The following ALK variants were observed in gnomAD, a reference collection of about 807,000 sequenced individuals.
The protein encoded by ALK is ALK tyrosine kinase receptor.
In ALK, 74 loss-of-function variants were observed where a neutral mutation model predicts 163.1. The observed-to-expected ratio is 0.45, with a 90% CI of 0.38 to 0.55. ALK has a LOEUF of 0.55. ALK is among the 20% of genes least tolerant of loss of function. The probability of loss-of-function intolerance (pLI) is 0.00; values close to 1 mark genes in which losing one functional copy is unlikely to be tolerated. For synonymous variants in ALK, 960 were observed against 843.2 expected, an observed-to-expected ratio of 1.14 and a Z score of -2.40; for missense variants, 2,063 against 2,105.3, an observed-to-expected ratio of 0.98 and a Z score of 0.39.
intron 11 of ALK, among the ~76,000 whole-genome samples, chr2:29,263,392 G>A (rs1053728934): frequency 1.3e-5 from 2 of 152,174 alleles, no homozygotes; most frequent in Non-Finnish European, 2.9e-5. Context: ...TCTCTACAAG[G>A]CCCTTGGAAT....
At chr2:29,222,030 A>G (rs1169149336) in intron 22 of ALK, among the ~76,000 whole-genome samples, 2 of 152,220 alleles carry the variant, frequency 1.3e-5, no homozygotes, top group East Asian at 1.9e-4. Flanking sequence ...TTGTACTGTC[A>G]AAGTCTAGCA....
At chr2:29,598,818 A>T (rs1675292375) in intron 3 of ALK, among the ~76,000 whole-genome samples, 1 of 152,196 alleles carries the variant, frequency 6.6e-6, no homozygotes, top group Non-Finnish European at 1.5e-5. Context: ...ATATTCTATA[A>T]TGGGCATGAA....
intron 3 of ALK, among the ~76,000 whole-genome samples, chr2:29,604,974 T>C (rs1390610672): frequency 6.6e-6 from 1 of 152,168 alleles, no homozygotes; most frequent in African/African-American, 2.4e-5. Flanking sequence ...CCAATAAATA[T>C]AGGTGATATT....
At chr2:29,581,396 T>C (rs1674686239) in intron 3 of ALK, among the ~76,000 whole-genome samples, 1 of 151,694 alleles carries the variant, frequency 6.6e-6, no homozygotes, top group Non-Finnish European at 1.5e-5. Context: ...TCAAATAAAA[T>C]AAAATAAAAT....
At chr2:29,332,201 G>A (rs1037159372) in intron 5 of ALK, among the ~76,000 whole-genome samples, 6 of 141,564 alleles carry the variant, frequency 4.2e-5, no homozygotes, top group East Asian at 2.3e-4. Flanking sequence ...CAGGAGAACC[G>A]CTTGAACCAG....
chr2:29,827,626 T>C (rs888186989), intron 1 of ALK, among the ~76,000 whole-genome samples: 2 of 152,156 alleles, frequency 1.3e-5, no homozygotes. Flanking sequence ...AGAAACTGAT[T>C]CCACAGCCCA....
rs186245496 is a variant in ALK at position 29,508,464 on chromosome 2, C to T, written c.1154+23451G>A. Among the ~76,000 whole-genome samples the T allele has an allele frequency of 1.1e-3, 164 of 152,092 alleles. 1 individual carries two copies. The highest frequency in any genetic ancestry group is 3.5e-3 in the African/African-American group (146 of 41,476). On this transcript the variant is annotated intron_variant, in intron 4 of 28. Coordinates refer to ENST00000389048, the MANE Select transcript of ALK (RefSeq NM_004304.5). ...CGCAGGGACAAAAAACCAAACACCG[C>T]GTGTTCTCACTCATAGGTGGGAATT... is the stretch of plus-strand genomic sequence containing the variant.
At chr2:29,343,822 G>A (rs1051836483) in intron 5 of ALK, among the ~76,000 whole-genome samples, 1 of 152,204 alleles carries the variant, frequency 6.6e-6, no homozygotes, top group Non-Finnish European at 1.5e-5. Context: ...ACAAAGGGCT[G>A]CTTCAGACTG....
At chr2:29,397,407 C>T (rs73923612) in intron 4 of ALK, among the ~76,000 whole-genome samples, 7,383 of 152,176 alleles carry the variant, frequency 0.049, 577 homozygotes, top group African/African-American at 0.17. Flanking sequence ...CAGAAGGAAC[C>T]AACCCTGCTG....
intron 1 of ALK, among the ~76,000 whole-genome samples, chr2:29,730,283 G>A (rs1369029453): frequency 6.6e-6 from 1 of 152,202 alleles, no homozygotes; most frequent in Non-Finnish European, 1.5e-5. Context: ...TAGACAGAGG[G>A]ATAAGCAGAT....
rs143780757 is a variant in ALK at position 29,192,879 on chromosome 2, T to C, written c.*345A>G. The stretch of plus-strand genomic sequence containing the variant: ...CATCTATGACCCCAACTATGAAACA[T>C]AGAAGCAGCTAATTCTGACTACATT... On this transcript the variant is annotated 3_prime_UTR_variant, in exon 29 of 29. Coordinates refer to ENST00000389048, the MANE Select transcript of ALK (RefSeq NM_004304.5). The C allele has an allele frequency of 8.5e-5, 35 of 414,000 alleles. No individual in the cohort carries two copies. Among genetic ancestry groups the C allele is most frequent in the South Asian group, 1.8e-4 (7 of 39,412 alleles). The allele number at this position is 414,000 out of a possible 1,614,324, so 25.6% of individuals were successfully genotyped here.
chr2:29,750,930 C>G (rs1038491493), intron 1 of ALK, among the ~76,000 whole-genome samples: 1 of 152,022 alleles, frequency 6.6e-6, no homozygotes, highest in Non-Finnish European at 1.5e-5. Context: ...ATTAGCAGGG[C>G]ATGGTGGCCT....
intron 4 of ALK, among the ~76,000 whole-genome samples, chr2:29,427,194 C>G (rs1476816799): frequency 1.3e-5 from 2 of 151,530 alleles, no homozygotes; most frequent in African/African-American, 2.4e-5. Flanking sequence ...GTAAGGAAAG[C>G]ACACCTGATA....
In ALK at chr2:29,466,043, A is replaced by T. The variant is rs76234432; in HGVS notation, c.1154+65872T>A. On this transcript the variant is annotated intron_variant, in intron 4 of 28. Coordinates refer to ENST00000389048, the MANE Select transcript of ALK (RefSeq NM_004304.5). ...AGCTTGTCAGAAGTTTAAGATAAAC[A>T]TGAAAAACCCTAGAACACCCACCAA... Among the ~76,000 whole-genome samples, 1,052 of 152,340 alleles carry T rather than the reference A, an allele frequency of 6.9e-3. 9 individuals carry two copies. The highest frequency in any genetic ancestry group is 0.023 in the African/African-American group (968 of 41,580).
chr2:29,903,351 A>G (rs1243127329), intron 1 of ALK, among the ~76,000 whole-genome samples: 2 of 152,138 alleles, frequency 1.3e-5, no homozygotes, highest in African/African-American at 2.4e-5. Context: ...CTTTTAATAT[A>G]CCACATTTAT....
intron 1 of ALK, among the ~76,000 whole-genome samples, chr2:29,826,836 G>A (rs1014883569): frequency 3.3e-5 from 5 of 152,202 alleles, no homozygotes; most frequent in Admixed American, 3.3e-4. Flanking sequence ...AAAAATTGGA[G>A]GGGCACTCAA....
At chr2:29,909,913 A>G (rs1177014322) in intron 1 of ALK, among the ~76,000 whole-genome samples, 1 of 151,994 alleles carries the variant, frequency 6.6e-6, no homozygotes, top group Non-Finnish European at 1.5e-5. Flanking sequence ...AGAAAATTCA[A>G]AAGTCTTTCA....
At chr2:29,561,913 C>G (rs1430991438) in intron 3 of ALK, among the ~76,000 whole-genome samples, 1 of 152,008 alleles carries the variant, frequency 6.6e-6, no homozygotes, top group African/African-American at 2.4e-5. Flanking sequence ...GGGGTGGGGT[C>G]TAAGTAGTGA....
chr2:29,374,138 C>T (rs1200278340), intron 5 of ALK, among the ~76,000 whole-genome samples: 2 of 152,134 alleles, frequency 1.3e-5, no homozygotes, highest in African/African-American at 4.8e-5. Context: ...GCTCTGGTTC[C>T]AGAATTAGGA....
Sources: gnomAD v4.1 joint callset for allele counts (sites outside exome capture counted in the v4.1 genomes callset) on GRCh38, gnomAD v4.1.1 for gene constraint, MANE v1.5 for transcripts, NCBI Gene and HGNC (gene_info 2026-07-23, HGNC 2026-07-21) for gene names.